Variants in MGAT4C observed in about 807,000 individuals in gnomAD.
MGAT4C encodes the protein alpha-1,3-mannosyl-glycoprotein 4-beta-N-acetylglucosaminyltransferase C.
MGAT4C carries 19 observed loss-of-function variants against 40.1 expected under a neutral mutation model. The ratio of observed to expected loss-of-function variants is 0.47; its 90% CI spans 0.33 to 0.70. MGAT4C has a LOEUF of 0.70. Among genes scored for constraint, MGAT4C ranks in the 30% least tolerant of loss-of-function variants. MGAT4C has a pLI of 0.02. For missense variants in MGAT4C, 491 were observed against 563.2 expected (o/e 0.87, Z 1.30); for synonymous variants, 181 against 187.1 (o/e 0.97, Z 0.27).
At chr12:85,996,414 G>C (rs1565832861) in intron 2 of MGAT4C, among the ~76,000 whole-genome samples, 1 of 152,174 alleles carries the variant, frequency 6.6e-6, no homozygotes, top group Non-Finnish European at 1.5e-5. Flanking sequence ...AAAGCACAGA[G>C]AGAGGGACAA....
intron 1 of MGAT4C, among the ~76,000 whole-genome samples, chr12:86,230,869 C>CCT (rs34991680): frequency 4.8e-5 from 7 of 145,026 alleles, no homozygotes; most frequent in African/African-American, 1.8e-4. Flanking sequence ...CAAACACTCC[C>CCT]TTTTTTTTTT....
intron 1 of MGAT4C, among the ~76,000 whole-genome samples, chr12:86,051,069 T>C (rs1369255358): frequency 2.0e-5 from 3 of 151,972 alleles, no homozygotes; most frequent in Non-Finnish European, 4.4e-5. Context: ...AGCAAGGTGT[T>C]TGGTTTATGG....
rs138066754 is a variant in MGAT4C, at chr12:86,061,260, G to A, written c.-56-11537C>T. Among the ~76,000 whole-genome samples the A allele has an allele frequency of 2.6e-3, 402 of 152,230 alleles. 3 individuals are homozygous for A. The highest frequency in any genetic ancestry group is 0.01 in the Middle Eastern group (3 of 294). On this transcript the variant is annotated intron_variant, in intron 1 of 4. Transcript: ENST00000611864. ...CTCAACCGGGAAGTGCAAGGGGTTG[G>A]GGAATTCTCTCTCCTACCCAAGGGA...
rs550928537 is a variant in MGAT4C at position 86,308,329 on chromosome 12, A to G, written c.-57+25736T>C. Reference sequence around the variant, plus strand: ...CTGTTAGAGAGAAAAATACAAATAAAACAGCAACACTATTCCTGCTGTGCT... The same window carrying G: ...CTGTTAGAGAGAAAAATACAAATAAGACAGCAACACTATTCCTGCTGTGCT... On this transcript the variant is annotated intron_variant, in intron 4 of 7. Transcript: ENST00000548651. 7.5e-4 allele frequency among the ~76,000 whole-genome samples: 113 copies of G among 150,708 alleles called. 2 individuals carry two copies. The South Asian group carries it at 0.023, about 30-fold the overall frequency.
At chr12:86,833,748 CTGTT>C (rs1305727236) in intron 1 of MGAT4C, among the ~76,000 whole-genome samples, 7 of 151,934 alleles carry the variant, frequency 4.6e-5, no homozygotes, top group Admixed American at 1.3e-4. Flanking sequence ...CATTTTCTGT[CTGTT>C]TTTTTGTTTG....
chr12:86,005,061 C>T (rs1269974196), intron 2 of MGAT4C, among the ~76,000 whole-genome samples: 2 of 152,192 alleles, frequency 1.3e-5, no homozygotes, highest in Admixed American at 1.3e-4. Flanking sequence ...AATCAGATCA[C>T]ACCTCGTTAC....
At chr12:86,638,796 T>A (rs2136516724) in intron 2 of MGAT4C, among the ~76,000 whole-genome samples, 1 of 151,912 alleles carries the variant, frequency 6.6e-6, no homozygotes. Context: ...AGCTGTGTAC[T>A]ATGAAACTCT....
chr12:86,459,266 CTCTTA>C (rs1476218517), intron 2 of MGAT4C, among the ~76,000 whole-genome samples: 1 of 152,088 alleles, frequency 6.6e-6, no homozygotes, highest in Admixed American at 6.5e-5. Context: ...CTGTATAACT[CTCTTA>C]TCTTGAGTGT....
intron 2 of MGAT4C, among the ~76,000 whole-genome samples, chr12:86,522,148 G>C (rs1045122307): frequency 6.6e-6 from 1 of 152,092 alleles, no homozygotes; most frequent in Non-Finnish European, 1.5e-5. Context: ...TGTTGAATAG[G>C]AGTGGTGAGA....
chr12:86,579,768 C>T (rs1037313197), intron 2 of MGAT4C, among the ~76,000 whole-genome samples: 6 of 151,420 alleles, frequency 4.0e-5, no homozygotes, highest in Admixed American at 3.3e-4. Flanking sequence ...GTTTGTTTGT[C>T]TGGGGAAGTA....
At chr12:86,760,454 A>T (rs1468035696) in intron 1 of MGAT4C, among the ~76,000 whole-genome samples, 1 of 152,072 alleles carries the variant, frequency 6.6e-6, no homozygotes, top group Non-Finnish European at 1.5e-5. Flanking sequence ...ATTCAAATTC[A>T]ATGAGAATGC....
chr12:86,511,348 T>C (rs1958578906), intron 2 of MGAT4C, among the ~76,000 whole-genome samples: 1 of 152,176 alleles, frequency 6.6e-6, no homozygotes, highest in Non-Finnish European at 1.5e-5. Flanking sequence ...ATTTCTTTCA[T>C]CAATGTTTCA....
At chr12:86,806,593 C>T (rs1952359893) in intron 1 of MGAT4C, among the ~76,000 whole-genome samples, 1 of 151,920 alleles carries the variant, frequency 6.6e-6, no homozygotes, top group African/African-American at 2.4e-5. Flanking sequence ...ATTACCACGC[C>T]CATCTCTTCC....
chr12:85,993,334 T>C (rs1037236912), intron 2 of MGAT4C, among the ~76,000 whole-genome samples: 2 of 152,112 alleles, frequency 1.3e-5, no homozygotes, highest in Non-Finnish European at 1.5e-5. Context: ...GGCAGTGCCA[T>C]TGGAGGACCA....
rs551766815 is a variant in MGAT4C, at chr12:86,071,105, C to T, written c.-56-21382G>A. Among the ~76,000 whole-genome samples the T allele has an allele frequency of 4.6e-4, 70 of 151,952 alleles. No homozygotes were observed. The South Asian group carries it at 0.014, about 29-fold the overall frequency. On this transcript the variant is annotated intron_variant, in intron 1 of 4. Coordinates refer to ENST00000611864, the MANE Select transcript of MGAT4C (RefSeq NM_001351288.2). ...ATGGACAATATGACATGGTAAAGCACAAAAAGAGTAGGACACTGCACTCAA... is the reference window on the plus strand; with the variant it reads ...ATGGACAATATGACATGGTAAAGCATAAAAAGAGTAGGACACTGCACTCAA...
chr12:86,313,501 T>C (rs1329198848), intron 4 of MGAT4C, among the ~76,000 whole-genome samples: 3 of 152,272 alleles, frequency 2.0e-5, no homozygotes, highest in South Asian at 2.1e-4. Flanking sequence ...ATTAAAAGCA[T>C]AGCTAGCTAT....
Position 85,989,480 on chromosome 12 carries a change from G to T in MGAT4C, c.67C>A (p.Arg23Ser), listed in dbSNP as rs745947947. 4 of 1,605,242 alleles carry T rather than the reference G, an allele frequency of 2.5e-6. No homozygotes were observed. The highest frequency in any genetic ancestry group is 2.7e-5 in the African/African-American group (2 of 74,686). Reference sequence around the variant, plus strand: ...ACTCCCAAGAATGACACTGTAGAACGTTTTCTCAGGCATCTCATTTTATCA... The same window carrying T: ...ACTCCCAAGAATGACACTGTAGAACTTTTTCTCAGGCATCTCATTTTATCA... Reference protein sequence around the residue: ...ILDKMRCLRKRSTVSFLGVLV... With the variant: ...ILDKMRCLRKSSTVSFLGVLV... Residue 23 changes from arginine (R) to serine (S), a missense_variant, in exon 3 of 5, where the codon CGT becomes AGT. Coordinates refer to ENST00000611864, the MANE Select transcript of MGAT4C (RefSeq NM_001351288.2).
intron 3 of MGAT4C, among the ~76,000 whole-genome samples, chr12:86,396,344 A>C (rs1956262128): frequency 6.6e-6 from 1 of 152,076 alleles, no homozygotes; most frequent in Admixed American, 6.6e-5. Flanking sequence ...AAAAATATAT[A>C]TTTGTTTATA....
intron 1 of MGAT4C, among the ~76,000 whole-genome samples, chr12:86,231,423 CCTAT>C (rs756731167): frequency 6.6e-6 from 1 of 152,122 alleles, no homozygotes; most frequent in Non-Finnish European, 1.5e-5. Flanking sequence ...TAATCATCTG[CCTAT>C]CTAACTACCC....
Sources: gnomAD v4.1 joint callset for allele counts (sites outside exome capture counted in the v4.1 genomes callset) on GRCh38, gnomAD v4.1.1 for gene constraint, MANE v1.5 for transcripts, NCBI Gene and HGNC (gene_info 2026-07-23, HGNC 2026-07-21) for gene names.